The following TUBGCP4 variants were observed in gnomAD, a reference collection of about 807,000 sequenced individuals.
TUBGCP4 encodes the protein gamma-tubulin complex component 4.
TUBGCP4 carries 54 observed loss-of-function variants against 91.6 expected under a neutral mutation model. The ratio of observed to expected loss-of-function variants is 0.59; its 90% CI spans 0.47 to 0.74. The LOEUF (loss-of-function observed/expected upper bound fraction) is 0.74. Among genes scored for constraint, TUBGCP4 ranks in the 30% least tolerant of loss-of-function variants. TUBGCP4 has a pLI of 0.00. For missense variants in TUBGCP4, 593 were observed against 800.9 expected (o/e 0.74, Z 3.13); for synonymous variants, 297 against 302.8 (o/e 0.98, Z 0.20).
intron 1 of TUBGCP4, among the ~76,000 whole-genome samples, chr15:43,374,010 G>T (rs1042890284): frequency 3.3e-5 from 5 of 152,168 alleles, no homozygotes; most frequent in African/African-American, 1.2e-4. Flanking sequence ...ACTTGAAGAT[G>T]TGATTAGCAT....
At position 43,409,575 on chromosome 15, in the gene TUBGCP4, G is replaced by C. The variant is rs1191311952; in HGVS notation, c.*4361G>C. Reference sequence around the variant, plus strand: ...TATCCAGGTTCCCCAACCCCTCCCAGGCCTCTTCTCAACACAGCAAGTTGG... The same window carrying C: ...TATCCAGGTTCCCCAACCCCTCCCACGCCTCTTCTCAACACAGCAAGTTGG... On this transcript the variant is annotated 3_prime_UTR_variant, in exon 18 of 18. Transcript: ENST00000564079. 9.9e-6 allele frequency: 8 copies of C among 804,756 alleles called. No individual in the cohort carries two copies. Among genetic ancestry groups the C allele is most frequent in the Admixed American group, 3.1e-5 (1 of 32,626 alleles). 49.9% of individuals were successfully genotyped at this position (804,756 alleles called of 1,614,324 possible). A position where few individuals can be genotyped will look rare whatever the true frequency, so the allele number is the denominator to read the frequency against.
rs1015416741 is a variant in TUBGCP4, at chr15:43,406,163, A to C, written c.*949A>C. 1 of 152,632 alleles carries C rather than the reference A, an allele frequency of 6.6e-6. No homozygotes were observed. The highest frequency in any genetic ancestry group is 1.5e-5 in the Non-Finnish European group (1 of 68,446). 9.5% of individuals were successfully genotyped at this position (152,632 alleles called of 1,614,324 possible). A position where few individuals can be genotyped will look rare whatever the true frequency, so the allele number is the denominator to read the frequency against. On this transcript the variant is annotated 3_prime_UTR_variant, in exon 18 of 18. Transcript: ENST00000564079. ...TTGCAGGCCCAATTACCCATCTTAC[A>C]CAAACCATAGGGGTTGAAGTTATCT... is the stretch of plus-strand genomic sequence containing the variant.
At chr15:43,401,485 G>A (rs1382533667) in intron 14 of TUBGCP4, among the ~76,000 whole-genome samples, 1 of 151,854 alleles carries the variant, frequency 6.6e-6, no homozygotes, top group Admixed American at 6.6e-5. Context: ...AAAAGGATGG[G>A]GCAGGGGAGA....
intron 17 of TUBGCP4, 91 bp from the exon 18 acceptor site, chr15:43,405,111 A>G: frequency 6.9e-7 from 1 of 1,447,504 alleles, no homozygotes; most frequent in Non-Finnish European, 9.7e-7. Context: ...AGATGACATT[A>G]TTTAGATCAC....
chr15:43,405,175 TAA>T, intron 17 of TUBGCP4, 25 bp from the exon 18 acceptor site: 4 of 1,613,978 alleles, frequency 2.5e-6, no homozygotes, highest in Non-Finnish European at 3.4e-6. Flanking sequence ...GCATGACACT[TAA>T]TAAGGCTCTT....
At chr15:43,404,327 C>A in intron 16 of TUBGCP4, 86 bp from the exon 17 acceptor site, 1 of 1,531,854 alleles carries the variant, frequency 6.5e-7, no homozygotes, top group Non-Finnish European at 8.8e-7. Flanking sequence ...AAGGCTTTTC[C>A]AAGAAACTCC....
intron 9 of TUBGCP4, among the ~76,000 whole-genome samples, chr15:43,388,137 C>T (rs1414981897): frequency 2.6e-5 from 4 of 152,182 alleles, no homozygotes; most frequent in Admixed American, 6.5e-5. Context: ...AGGTGTGAGC[C>T]ACCACGCCCG....
rs540046350 is a variant in TUBGCP4 at position 43,379,619 on chromosome 15, C to T, written c.442-465C>T. Reference sequence around the variant, plus strand: ...TTGCACCACTGCACTCCAGCGTGGGCGACAGAGCAAGACTCCGTCTCAAAA... The same window carrying T: ...TTGCACCACTGCACTCCAGCGTGGGTGACAGAGCAAGACTCCGTCTCAAAA... On this transcript the variant is annotated intron_variant, in intron 5 of 17. Transcript: ENST00000564079. Among the ~76,000 whole-genome samples, 61 of 136,450 alleles carry T rather than the reference C, an allele frequency of 4.5e-4. 1 individual carries two copies. The East Asian group carries it at 0.011, about 25-fold the overall frequency. The allele number at this position is 136,450 out of a possible 152,430, so 89.5% of individuals were successfully genotyped here.
intron 15 of TUBGCP4, 108 bp from the exon 16 acceptor site, chr15:43,403,575 G>A: frequency 2.5e-6 from 2 of 807,558 alleles, no homozygotes; most frequent in South Asian, 3.5e-5. Context: ...AGATTTGGGA[G>A]GTCAGCTATT....
At chr15:43,371,861 C>G (rs1254864157) in intron 1 of TUBGCP4, among the ~76,000 whole-genome samples, 1 of 152,240 alleles carries the variant, frequency 6.6e-6, no homozygotes, top group Middle Eastern at 3.4e-3. Flanking sequence ...AAATCGAGAG[C>G]GTGTGGTGTT....
chr15:43,400,888 A>T (rs2044664863), intron 14 of TUBGCP4, among the ~76,000 whole-genome samples: 2 of 151,786 alleles, frequency 1.3e-5, no homozygotes, highest in East Asian at 3.9e-4. Flanking sequence ...ATTGCACTCC[A>T]GCCTGGGCAA....
chr15:43,374,000 A>C (rs1449661726), intron 1 of TUBGCP4, among the ~76,000 whole-genome samples: 1 of 152,152 alleles, frequency 6.6e-6, no homozygotes. Flanking sequence ...TAAGTTACTA[A>C]CTTGAAGATG....
chr15:43,397,893 G>T lies in TUBGCP4; in HGVS notation c.1280-148G>T, dbSNP rs2044608301. On this transcript the variant is annotated intron_variant, in intron 12 of 17. Transcript: ENST00000564079. ...TGCCCAGCTAATTTATGTATTTTTA[G>T]TAGAGATGGGGTTTCACTGTATTGC... The T allele has an allele frequency of 1.2e-5, 9 of 730,438 alleles. No homozygotes were observed. The South Asian group carries it at 2.0e-4, about 16-fold the overall frequency. 45.2% of individuals were successfully genotyped at this position (730,438 alleles called of 1,614,324 possible).
intron 9 of TUBGCP4, among the ~76,000 whole-genome samples, chr15:43,389,771 C>A (rs184824582): frequency 9.9e-5 from 15 of 152,270 alleles, no homozygotes; most frequent in African/African-American, 3.4e-4. Flanking sequence ...AATGAACTCA[C>A]AGTTCCACAT....
intron 2 of TUBGCP4, 91 bp from the exon 3 acceptor site, chr15:43,376,412 G>A (rs2044205359): frequency 1.9e-5 from 31 of 1,612,136 alleles, no homozygotes; most frequent in Non-Finnish European, 2.5e-5. Flanking sequence ...TGGTTTGTTT[G>A]TATAACTTTT....
intron 13 of TUBGCP4, chr15:43,399,037 A>G (rs2044626394): frequency 3.9e-6 from 3 of 765,430 alleles, no homozygotes; most frequent in Non-Finnish European, 5.5e-6. Flanking sequence ...TTATCTAAAA[A>G]TTATCTTTAT....
rs534931140 is a variant in TUBGCP4, at chr15:43,407,904, T to G, written c.*2690T>G. On this transcript the variant is annotated 3_prime_UTR_variant, in exon 18 of 18. Transcript: ENST00000564079. ...CCTAACACCTACAGGTCTAAGGAGA[T>G]CCCTGGAACAAAGACACTACACACA... 38 of 1,589,718 alleles carry G rather than the reference T, an allele frequency of 2.4e-5. No homozygotes were observed. Among genetic ancestry groups the G allele is most frequent in the Non-Finnish European group, 2.7e-5 (32 of 1,171,420 alleles).
intron 5 of TUBGCP4, among the ~76,000 whole-genome samples, chr15:43,379,364 G>A (rs572593464): frequency 2.6e-5 from 4 of 152,314 alleles, no homozygotes; most frequent in Non-Finnish European, 4.4e-5. Flanking sequence ...TCTGGGGACC[G>A]GGCATGGTGG....
rs763896499 is a variant in TUBGCP4 at position 43,376,104 on chromosome 15, C to G, written c.85C>G (p.Gln29Glu). Residue 29 changes from glutamine (Q) to glutamate (E), a missense_variant, in exon 2 of 18, where the codon CAG (glutamine) becomes GAG (glutamate). Physicochemically the swap from Gln to Glu is conservative, Grantham distance 29 (BLOSUM62 2). Coordinates refer to ENST00000564079, the MANE Select transcript of TUBGCP4 (RefSeq NM_014444.5). ...AGTGTTCCTCTTCCTGCAGGTATCG[C>G]AGGACTTCCCTTTCCTCCACCCCAG... ...WNKRSGLQVS[Q>E]DFPFLHPSET... 6.2e-7 allele frequency: 1 copy of G among 1,613,778 alleles called. No individual in the cohort carries two copies. The highest frequency in any genetic ancestry group is 1.3e-5 in the African/African-American group (1 of 74,934).
Sources: allele counts gnomAD v4.1 joint callset (sites outside exome capture counted in the v4.1 genomes callset), GRCh38; gene constraint gnomAD v4.1.1; transcripts MANE v1.5; gene names NCBI Gene and HGNC (gene_info 2026-07-23, HGNC 2026-07-21).